The following SMYD3 variants were observed in gnomAD, a reference collection of about 807,000 sequenced individuals.
SMYD3 encodes histone-lysine N-methyltransferase SMYD3.
SMYD3 carries 36 observed loss-of-function variants against 57.7 expected under a neutral mutation model. The observed-to-expected ratio is 0.62, with a 90% CI of 0.48 to 0.82. SMYD3 has a LOEUF of 0.82. Among genes scored for constraint, SMYD3 ranks in the 40% least tolerant of loss-of-function variants. The pLI, the probability that SMYD3 is intolerant of heterozygous loss-of-function variation, is 0.00. For missense variants in SMYD3, 515 were observed against 538.8 expected (o/e 0.96, Z 0.44); for synonymous variants, 211 against 195.0 (o/e 1.08, Z -0.68).
rs2062957984 is a variant in SMYD3, at chr1:246,203,946, C to G, written c.531+123255G>C. Among the ~76,000 whole-genome samples, 1 of 152,142 alleles carries G rather than the reference C, an allele frequency of 6.6e-6. No individual in the cohort carries two copies. The highest frequency in any genetic ancestry group is 1.5e-5 in the Non-Finnish European group (1 of 68,022). The stretch of plus-strand genomic sequence containing the variant: ...TACCCTAAACTAGAAGTCTCAAACT[C>G]AAATATAGAGGAGCCAGGAGAATCC... On this transcript the variant is annotated intron_variant, in intron 5 of 11. Transcript: ENST00000490107. The surrounding 1 kb of genome is among the most constrained non-coding windows in gnomAD (Gnocchi z 4.6).
rs2057311476 is a variant in SMYD3 at position 245,943,159 on chromosome 1, C to T, written c.532-13222G>A. ...ATCAGAGAGGAACTGAGGACAGACACACACACACTTTCCAAAAAAAAAAAA... is the reference window on the plus strand; with the variant it reads ...ATCAGAGAGGAACTGAGGACAGACATACACACACTTTCCAAAAAAAAAAAA... On this transcript the variant is annotated intron_variant, in intron 5 of 11. Transcript: ENST00000490107. Among the ~76,000 whole-genome samples the T allele has an allele frequency of 5.3e-5, 6 of 113,098 alleles. No homozygotes were observed. In the Admixed American group the frequency reaches 6.7e-4, roughly 13 times the overall value. 74.2% of individuals were successfully genotyped at this position (113,098 alleles called of 152,430 possible).
chr1:246,199,787 A>C (rs2148356098), intron 5 of SMYD3, among the ~76,000 whole-genome samples: 1 of 152,390 alleles, frequency 6.6e-6, no homozygotes, highest in Non-Finnish European at 1.5e-5. Context: ...AACAGCATAG[A>C]TGCTGAGCGA....
chr1:245,842,627 G>A (rs2050462000), intron 10 of SMYD3, among the ~76,000 whole-genome samples: 1 of 152,150 alleles, frequency 6.6e-6, no homozygotes. Context: ...ATATCCAGAT[G>A]CCATACTTCT....
chr1:246,017,345 A>G (rs1175723527), intron 5 of SMYD3, among the ~76,000 whole-genome samples: 1 of 152,202 alleles, frequency 6.6e-6, no homozygotes. Flanking sequence ...GGAAGTTAAC[A>G]TTGATACATT....
At chr1:246,330,956 GA>G in intron 3 of SMYD3, among the ~76,000 whole-genome samples, 1 of 152,060 alleles carries the variant, frequency 6.6e-6, no homozygotes, top group Non-Finnish European at 1.5e-5. Context: ...GCAACATGGC[GA>G]AACCCTATGC....
intron 5 of SMYD3, among the ~76,000 whole-genome samples, chr1:246,107,044 A>C (rs1488968928): frequency 5.3e-5 from 8 of 151,414 alleles, no homozygotes; most frequent in Admixed American, 4.6e-4. Flanking sequence ...TCACGCCTGT[A>C]ATCCCAGCAC....
intron 5 of SMYD3, among the ~76,000 whole-genome samples, chr1:246,100,195 G>C (rs2060984327): frequency 6.6e-6 from 1 of 152,116 alleles, no homozygotes; most frequent in African/African-American, 2.4e-5. Flanking sequence ...TGGTGACAGA[G>C]CAAGACTTCA....
intron 9 of SMYD3, among the ~76,000 whole-genome samples, chr1:245,862,743 T>G (rs1490597529): frequency 6.6e-6 from 1 of 152,218 alleles, no homozygotes; most frequent in Admixed American, 6.5e-5. Context: ...TCTTGATTAC[T>G]TTTCGTCAAA....
Position 245,793,081 on chromosome 1 carries a change from C to CT in SMYD3, c.1077-28933_1077-28932insA, listed in dbSNP as rs1294841801. On this transcript the variant is annotated intron_variant, in intron 10 of 11. Coordinates refer to ENST00000490107, the MANE Select transcript of SMYD3 (RefSeq NM_001167740.2). ...ATCCCAGCACTTTGGGAGGCCGAGG[C>CT]GGGTGATCACGAAATCAGGAGATCA... is the stretch of plus-strand genomic sequence containing the variant. Among the ~76,000 whole-genome samples, 54 of 62,606 alleles carry CT rather than the reference C, an allele frequency of 8.6e-4. No individual in the cohort carries two copies. In the South Asian group the frequency reaches 0.027, roughly 32 times the overall value. The allele number at this position is 62,606 out of a possible 152,430, so 41.1% of individuals were successfully genotyped here.
intron 10 of SMYD3, among the ~76,000 whole-genome samples, chr1:245,766,732 T>A (rs1333623592): frequency 6.6e-6 from 1 of 152,186 alleles, no homozygotes; most frequent in African/African-American, 2.4e-5. Flanking sequence ...CTTACACTAA[T>A]CATCACTCCA....
intron 1 of SMYD3, among the ~76,000 whole-genome samples, chr1:246,390,943 AG>A (rs762826134): frequency 9.9e-5 from 15 of 152,210 alleles, no homozygotes; most frequent in Non-Finnish European, 1.9e-4. Flanking sequence ...ATGTAATAGA[AG>A]AACAGAGGAA....
chr1:245,751,854 C>T (rs554682273), intron 11 of SMYD3, among the ~76,000 whole-genome samples: 1 of 152,352 alleles, frequency 6.6e-6, no homozygotes, highest in Admixed American at 6.5e-5. Flanking sequence ...GCCAGCAAAT[C>T]CCTAGGCAGG....
At chr1:246,386,769 G>A (rs1303047516) in intron 1 of SMYD3, among the ~76,000 whole-genome samples, 1 of 152,050 alleles carries the variant, frequency 6.6e-6, no homozygotes, top group East Asian at 1.9e-4. Context: ...ATGAGAGAAA[G>A]GGTGGGAGAA....
chr1:246,281,046 T>C (rs1344610856), intron 5 of SMYD3, among the ~76,000 whole-genome samples: 1 of 152,160 alleles, frequency 6.6e-6, no homozygotes, highest in Non-Finnish European at 1.5e-5. Context: ...CAATAGACAT[T>C]TACAGATTTC....
chr1:246,345,325 T>C (rs1247355751), intron 2 of SMYD3, among the ~76,000 whole-genome samples: 1 of 152,210 alleles, frequency 6.6e-6, no homozygotes, highest in Admixed American at 6.5e-5. Flanking sequence ...CTTTCATTAT[T>C]GAATTATGTT....
intron 5 of SMYD3, among the ~76,000 whole-genome samples, chr1:246,197,801 G>A (rs1369721330): frequency 6.6e-6 from 1 of 151,904 alleles, no homozygotes; most frequent in African/African-American, 2.4e-5. Context: ...GGGAAAACTG[G>A]GTACAGAATA....
At chr1:246,294,430 T>A (rs377028838) in intron 5 of SMYD3, among the ~76,000 whole-genome samples, 19 of 152,314 alleles carry the variant, frequency 1.2e-4, no homozygotes, top group East Asian at 7.7e-4. Flanking sequence ...CAGCTAAGTG[T>A]TCATTTAGTC....
intron 5 of SMYD3, among the ~76,000 whole-genome samples, chr1:246,171,930 G>A (rs1412999765): frequency 6.6e-6 from 1 of 152,200 alleles, no homozygotes; most frequent in Admixed American, 6.5e-5. Flanking sequence ...AGAATTGCTT[G>A]AGCCCAGGAG....
intron 10 of SMYD3, among the ~76,000 whole-genome samples, chr1:245,793,178 G>A (rs572759760): frequency 3.2e-4 from 48 of 150,594 alleles, no homozygotes; most frequent in East Asian, 9.9e-4. Context: ...GCATGGTGGC[G>A]GGTGCCTGTA....
Sources: gnomAD v4.1 joint callset for allele counts (sites outside exome capture counted in the v4.1 genomes callset) on GRCh38, gnomAD v4.1.1 for gene constraint, Gnocchi (gnomAD v3.1) non-coding constraint, MANE v1.5 for transcripts, NCBI Gene and HGNC (gene_info 2026-07-23, HGNC 2026-07-21) for gene names.